Variants in CP observed in about 807,000 individuals in gnomAD.
CP encodes caeruloplasmin.
In CP, 64 loss-of-function variants were observed where a neutral mutation model predicts 122.4. The observed-to-expected ratio is 0.52, with a 90% CI of 0.43 to 0.64. CP has a LOEUF of 0.64. Ranked by LOEUF, CP falls within the 30% of genes least tolerant of loss-of-function variation. CP has a pLI of 0.00. For missense variants in CP, 1,167 were observed against 1,284.4 expected, an observed-to-expected ratio of 0.91 and a Z score of 1.40; for synonymous variants, 440 against 436.4, an observed-to-expected ratio of 1.01 and a Z score of -0.10.
chr3:149,188,539 T>C (rs115519179), intron 9 of CP, among the ~76,000 whole-genome samples: 1,151 of 104,550 alleles, frequency 0.011, 6 homozygotes, highest in Middle Eastern at 0.046. Flanking sequence ...GGAAAGAATA[T>C]GGGTCTGTGC....
intron 4 of CP, chr3:149,167,317 A>T (rs1724524968): frequency 8.8e-7 from 1 of 1,130,754 alleles, no homozygotes; most frequent in African/African-American, 1.5e-5. Flanking sequence ...TTTCCTGCAA[A>T]ATGGGGACAA....
In CP at chr3:149,220,707, G is replaced by A. The variant is rs35773127; in HGVS notation, c.146+940C>T. On this transcript the variant is annotated intron_variant, in intron 1 of 18. Coordinates refer to ENST00000264613, the MANE Select transcript of CP (RefSeq NM_000096.4). ...TAAGATTCAATAATTACAAACTTCG[G>A]CATCCTTATTTAGCTGTTTTTTAAA... 4.9e-3 allele frequency among the ~76,000 whole-genome samples: 743 copies of A among 152,038 alleles called. 6 individuals carry two copies. The highest frequency in any genetic ancestry group is 0.017 in the African/African-American group (716 of 41,482).
intron 12 of CP, among the ~76,000 whole-genome samples, chr3:149,184,912 C>T (rs1170673784): frequency 2.0e-5 from 3 of 152,146 alleles, no homozygotes; most frequent in Non-Finnish European, 2.9e-5. Context: ...AATATTTCTG[C>T]TCTGAATTTG....
chr3:149,198,686 G>T, intron 8 of CP, 108 bp from the exon 9 acceptor site: 1 of 927,596 alleles, frequency 1.1e-6, no homozygotes, highest in Non-Finnish European at 1.7e-6. Context: ...TGAGTTCTTT[G>T]TTATAAATTA....
intron 7 of CP, 34 bp from the exon 8 acceptor site, chr3:149,199,898 G>GC: frequency 6.2e-7 from 1 of 1,606,336 alleles, no homozygotes; most frequent in Non-Finnish European, 8.5e-7. Flanking sequence ...ATCCTTCCTT[G>GC]GTATGTAACA....
At chr3:149,181,976 A>AAAAC in intron 14 of CP, 29 bp downstream of exon 14, 2 of 561,806 alleles carry the variant, frequency 3.6e-6, no homozygotes, top group South Asian at 2.8e-5. Context: ...GTTAAAATGC[A>AAAAC]CCACCCCCAC....
intron 18 of CP, 75 bp from the exon 19 acceptor site, chr3:149,173,805 G>T: frequency 1.4e-6 from 1 of 718,648 alleles, no homozygotes; most frequent in East Asian, 2.9e-5. Context: ...TTCTTTAAAT[G>T]TATTCCAATT....
At chr3:149,167,864 T>A (rs993631124), downstream of CP, 4 of 1,359,532 alleles carry the variant, frequency 2.9e-6, no homozygotes, top group Non-Finnish European at 4.2e-6. Flanking sequence ...TGCATCAAAC[T>A]AAAATTTATT....
chr3:149,178,470 G>A lies in CP; in HGVS notation c.2823C>T (p.His941=). Residue 941 remains histidine, a synonymous_variant, in exon 16 of 19, where the codon CAC becomes CAT. Transcript: ENST00000264613. ...CATCATCTTTGTTTACTTTCTCGGG[G>A]TGATCAGAGTATGTTTTGATGTTGT... ...LDDNIKTYSD[H]PEKVNKDDEE... 6.2e-7 allele frequency: 1 copy of A among 1,613,452 alleles called. No individual in the cohort carries two copies. Among genetic ancestry groups the A allele is most frequent in the Non-Finnish European group, 8.5e-7 (1 of 1,179,532 alleles).
intron 9 of CP, among the ~76,000 whole-genome samples, chr3:149,192,484 T>C (rs531851479): frequency 5.5e-4 from 68 of 123,080 alleles, no homozygotes; most frequent in African/African-American, 1.8e-3. Context: ...CTAAGTATGA[T>C]ACAAAAGGCA....
At chr3:149,200,112 G>A in intron 7 of CP, 1 of 492,112 alleles carries the variant, frequency 2.0e-6, no homozygotes, top group Admixed American at 3.2e-5. Flanking sequence ...GTACAAGTCA[G>A]TTAGTAAGCT....
At position 149,166,096 on chromosome 3, in the gene CP, T is replaced by C. The variant is rs753209460; in HGVS notation, c.587-46A>G. On this transcript the variant is annotated intron_variant, in intron 4 of 5. Transcript: ENST00000479771. ...GGACAAGAAAATTAGGACATGACCATCTCATCTTTATCCTGGAGAAAGGGA... is the reference window on the plus strand; with the variant it reads ...GGACAAGAAAATTAGGACATGACCACCTCATCTTTATCCTGGAGAAAGGGA... 1.6e-5 allele frequency: 7 copies of C among 445,722 alleles called. 1 individual carries two copies. Among genetic ancestry groups the C allele is most frequent in the South Asian group, 1.1e-4 (7 of 61,814 alleles). The allele number at this position is 445,722 out of a possible 1,614,324, so 27.6% of individuals were successfully genotyped here. A position where few individuals can be genotyped will look rare whatever the true frequency, so the allele number is the denominator to read the frequency against.
At chr3:149,202,292 C>T (rs770739213) in intron 6 of CP, 51 bp from the exon 7 acceptor site, 1 of 1,612,690 alleles carries the variant, frequency 6.2e-7, no homozygotes, top group South Asian at 1.1e-5. Context: ...GAACAGAAAG[C>T]AGGTATTCAC....
At chr3:149,165,320 T>C (rs1046933159) in intron 5 of CP, among the ~76,000 whole-genome samples, 2 of 152,210 alleles carry the variant, frequency 1.3e-5, no homozygotes, top group African/African-American at 2.4e-5. Context: ...TTAAAGCATA[T>C]TTATAATCAT....
chr3:149,211,238 G>A (rs764759259), intron 2 of CP, among the ~76,000 whole-genome samples: 2 of 151,956 alleles, frequency 1.3e-5, no homozygotes, highest in African/African-American at 2.4e-5. Context: ...TTCCCTATTC[G>A]ATCATTATAA....
downstream of CP, chr3:149,172,070 A>C (rs1461866436): frequency 3.7e-6 from 6 of 1,609,426 alleles, no homozygotes; most frequent in Non-Finnish European, 5.1e-6. Context: ...TTTCAATTCT[A>C]ATTCAGATAT....
intron 9 of CP, among the ~76,000 whole-genome samples, chr3:149,194,488 C>T (rs1052356817): frequency 6.6e-6 from 1 of 152,058 alleles, no homozygotes; most frequent in African/African-American, 2.4e-5. Context: ...ATCCACTGAC[C>T]TCAGCCTCTT....
intron 1 of CP, among the ~76,000 whole-genome samples, chr3:149,219,388 C>A (rs1027057092): frequency 1.3e-5 from 2 of 152,176 alleles, no homozygotes; most frequent in African/African-American, 4.8e-5. Flanking sequence ...TAATAATCCC[C>A]ACATGTCAAG....
chr3:149,175,291 T>C (rs1725348167), intron 18 of CP, among the ~76,000 whole-genome samples: 1 of 152,170 alleles, frequency 6.6e-6, no homozygotes, highest in African/African-American at 2.4e-5. Flanking sequence ...TTAGAGTCTT[T>C]GATATTCTAG....
Sources: allele counts gnomAD v4.1 joint callset (sites outside exome capture counted in the v4.1 genomes callset), GRCh38; gene constraint gnomAD v4.1.1; transcripts MANE v1.5; gene names NCBI Gene and HGNC (gene_info 2026-07-23, HGNC 2026-07-21).